Variants in KCNK13 observed in about 807,000 individuals in gnomAD.
KCNK13 encodes the protein potassium two pore domain channel subfamily K member 13.
KCNK13 carries 12 observed loss-of-function variants against 23.4 expected under a neutral mutation model. The observed-to-expected ratio is 0.51, with a 90% CI of 0.33 to 0.83. The LOEUF (loss-of-function observed/expected upper bound fraction) is 0.83, where lower values mean the gene tolerates loss of function less well. Among genes scored for constraint, KCNK13 ranks in the 40% least tolerant of loss-of-function variants. The pLI is 0.02. For missense variants in KCNK13, 463 were observed against 556.3 expected (o/e 0.83, Z 1.69); for synonymous variants, 231 against 229.5 (o/e 1.01, Z -0.06).
At chr14:90,178,299 TA>T (rs1374396678) in intron 1 of KCNK13, among the ~76,000 whole-genome samples, 1 of 151,706 alleles carries the variant, frequency 6.6e-6, no homozygotes, top group Non-Finnish European at 1.5e-5. Context: ...TTTTTATTTT[TA>T]TTTTTTTTGA....
At chr14:90,085,094 C>T (rs1223506383) in intron 1 of KCNK13, among the ~76,000 whole-genome samples, 1 of 151,880 alleles carries the variant, frequency 6.6e-6, no homozygotes, top group African/African-American at 2.4e-5. Flanking sequence ...AGGCGTGTGC[C>T]ACGACGCCCA....
chr14:90,127,032 A>C (rs180941025), intron 1 of KCNK13, among the ~76,000 whole-genome samples: 1 of 152,316 alleles, frequency 6.6e-6, no homozygotes. Flanking sequence ...AGAAGAGAGA[A>C]AAGACATTAG....
At chr14:90,099,267 G>A (rs1889447531) in intron 1 of KCNK13, among the ~76,000 whole-genome samples, 1 of 152,100 alleles carries the variant, frequency 6.6e-6, no homozygotes, top group South Asian at 2.1e-4. Flanking sequence ...TTTCACGTGA[G>A]GAATGTTCAG....
chr14:90,109,361 A>T (rs1889586348), intron 1 of KCNK13, among the ~76,000 whole-genome samples: 1 of 151,696 alleles, frequency 6.6e-6, no homozygotes, highest in Admixed American at 6.6e-5. Context: ...ATAAATATCC[A>T]GTGAGACATT....
At chr14:90,163,402 T>C (rs980870876) in intron 1 of KCNK13, among the ~76,000 whole-genome samples, 1 of 152,202 alleles carries the variant, frequency 6.6e-6, no homozygotes, top group Non-Finnish European at 1.5e-5. Flanking sequence ...GACACTCAGA[T>C]AGGAGAGCCT....
chr14:90,098,007 T>C (rs1339197279), intron 1 of KCNK13, among the ~76,000 whole-genome samples: 1 of 152,158 alleles, frequency 6.6e-6, no homozygotes, highest in Non-Finnish European at 1.5e-5. Context: ...TCTCTCTCAG[T>C]GTTCCAGGGC....
intron 1 of KCNK13, among the ~76,000 whole-genome samples, chr14:90,096,409 A>G (rs1354647675): frequency 6.6e-6 from 1 of 152,242 alleles, no homozygotes; most frequent in Non-Finnish European, 1.5e-5. Flanking sequence ...TACATCAGGA[A>G]CCAGGGACAA....
At chr14:90,114,467 G>A (rs1211946305) in intron 1 of KCNK13, among the ~76,000 whole-genome samples, 3 of 152,094 alleles carry the variant, frequency 2.0e-5, no homozygotes, top group Non-Finnish European at 4.4e-5. Flanking sequence ...ACCTCTGCAG[G>A]TGATTCTAAG....
chr14:90,132,036 C>T (rs920943278), intron 1 of KCNK13, among the ~76,000 whole-genome samples: 5 of 152,166 alleles, frequency 3.3e-5, no homozygotes, highest in African/African-American at 4.8e-5. Flanking sequence ...CCCAACTGTC[C>T]GTTGATAGGC....
chr14:90,089,420 G>A (rs1288493450), intron 1 of KCNK13, among the ~76,000 whole-genome samples: 5 of 152,212 alleles, frequency 3.3e-5, no homozygotes, highest in Non-Finnish European at 7.3e-5. Flanking sequence ...TTTGGCAAAA[G>A]AAATCTCTAA....
chr14:90,087,020 T>C (rs2140398437), intron 1 of KCNK13, among the ~76,000 whole-genome samples: 1 of 151,334 alleles, frequency 6.6e-6, no homozygotes, highest in South Asian at 2.1e-4. Context: ...CTCCACCTGA[T>C]AGTCAGGGCA....
intron 1 of KCNK13, among the ~76,000 whole-genome samples, chr14:90,090,266 G>A (rs1889327893): frequency 6.6e-6 from 1 of 152,248 alleles, no homozygotes; most frequent in African/African-American, 2.4e-5. Flanking sequence ...CCCACCTCTT[G>A]CATCAGCATG....
intron 1 of KCNK13, among the ~76,000 whole-genome samples, chr14:90,136,617 T>G (rs1407872704): frequency 6.6e-6 from 1 of 152,186 alleles, no homozygotes. Flanking sequence ...CACACAGCAT[T>G]GTGTAGTAAA....
intron 1 of KCNK13, among the ~76,000 whole-genome samples, chr14:90,135,126 G>C (rs1184946017): frequency 6.6e-6 from 1 of 152,202 alleles, no homozygotes; most frequent in Non-Finnish European, 1.5e-5. Context: ...CCTCCACACT[G>C]CTGACCCAGG....
At position 90,151,050 on chromosome 14, in the gene KCNK13, C is replaced by T. The variant is rs78410004; in HGVS notation, c.335-33061C>T. Among the ~76,000 whole-genome samples the T allele has an allele frequency of 7.2e-4, 110 of 152,268 alleles. 1 individual carries two copies. In the East Asian group the frequency reaches 0.02, roughly 27 times the overall value. On this transcript the variant is annotated intron_variant, in intron 1 of 1. Transcript: ENST00000282146. ...TTCACACTTTATGATGTGCCTGCTT[C>T]CCCTTCACCTCCCTGATTGTAAGTT...
intron 1 of KCNK13, among the ~76,000 whole-genome samples, chr14:90,092,796 C>T (rs1424957399): frequency 6.6e-6 from 1 of 151,496 alleles, no homozygotes; most frequent in Non-Finnish European, 1.5e-5. Context: ...GCCTGTAATC[C>T]CTCTACTCAG....
chr14:90,177,779 A>G (rs11621359), intron 1 of KCNK13, among the ~76,000 whole-genome samples: 38,105 of 152,040 alleles, frequency 0.25, 6,202 homozygotes, highest in East Asian at 0.65. Context: ...AAGTCACCAT[A>G]TTAACCATCC....
intron 1 of KCNK13, among the ~76,000 whole-genome samples, chr14:90,122,412 G>A (rs997236987): frequency 1.3e-5 from 2 of 151,812 alleles, no homozygotes; most frequent in African/African-American, 4.8e-5. Flanking sequence ...CCACCTCCTG[G>A]GTTCAAGCGA....
chr14:90,067,350 G>T (rs2140386759), intron 1 of KCNK13, among the ~76,000 whole-genome samples: 1 of 152,312 alleles, frequency 6.6e-6, no homozygotes, highest in South Asian at 2.1e-4. Context: ...AGTAAAATAA[G>T]CCAGACACAG....
Sources: allele counts gnomAD v4.1 joint callset (sites outside exome capture counted in the v4.1 genomes callset), GRCh38; gene constraint gnomAD v4.1.1; transcripts MANE v1.5; gene names NCBI Gene and HGNC (gene_info 2026-07-23, HGNC 2026-07-21).